The following KCNAB3 variants were observed in gnomAD, a reference collection of about 807,000 sequenced individuals.
KCNAB3 encodes potassium voltage-gated channel subfamily A regulatory beta subunit 3.
A neutral mutation model predicts 67.7 loss-of-function variants in KCNAB3; 62 were observed. The ratio of observed to expected loss-of-function variants is 0.92; its 90% CI spans 0.75 to 1.13. The LOEUF is 1.13. Ranked by LOEUF, KCNAB3 falls within the 50% of genes most tolerant of loss-of-function variation. KCNAB3 has a pLI of 0.00. For synonymous variants in KCNAB3, 212 were observed against 205.4 expected (o/e 1.03, Z -0.27); for missense variants, 514 against 522.9 (o/e 0.98, Z 0.17).
At position 7,924,810 on chromosome 17, in the gene KCNAB3, A is replaced by G. The variant is rs1031866364; in HGVS notation, c.625+287T>C. ...CAGGATGTAGTTCAGTGGTGCAATC[A>G]TAGCTCACTGTGGCCTCAAACTCCT... On this transcript the variant is annotated intron_variant, in intron 8 of 13. Coordinates refer to ENST00000303790, the MANE Select transcript of KCNAB3 (RefSeq NM_004732.4). 5 of 752,636 alleles carry G rather than the reference A, an allele frequency of 6.6e-6. 1 individual carries two copies. The Admixed American group carries it at 1.0e-4, about 16-fold the overall frequency. 46.6% of individuals were successfully genotyped at this position (752,636 alleles called of 1,614,324 possible). A position where few individuals can be genotyped will look rare whatever the true frequency, so the allele number is the denominator to read the frequency against.
rs1004341251 is a variant in KCNAB3, at chr17:7,925,778, G to A, written c.495-52C>T. The A allele has an allele frequency of 1.9e-6, 3 of 1,610,834 alleles. No individual in the cohort carries two copies. In the Admixed American group the frequency reaches 5.0e-5, roughly 27 times the overall value. ...AGATGTGACAAAGATAGGGGACCGG[G>A]GCTGGCTTGGAGCCATAAGGAAATG... On this transcript the variant is annotated intron_variant, in intron 6 of 13. Transcript: ENST00000303790.
At chr17:7,926,953 C>T (rs986975533) in intron 4 of KCNAB3, among the ~76,000 whole-genome samples, 10 of 152,060 alleles carry the variant, frequency 6.6e-5, no homozygotes, top group East Asian at 3.9e-4. Flanking sequence ...CTTGAAGGAG[C>T]GGACACTCGG....
intron 4 of KCNAB3, among the ~76,000 whole-genome samples, chr17:7,926,885 G>C (rs1346712818): frequency 1.3e-5 from 2 of 152,152 alleles, no homozygotes; most frequent in Non-Finnish European, 2.9e-5. Context: ...AGTCCACAGT[G>C]CTTTAGGAGC....
intron 8 of KCNAB3, chr17:7,924,775 C>T (rs1972169585): frequency 9.9e-7 from 1 of 1,013,234 alleles, no homozygotes; most frequent in Non-Finnish European, 1.3e-6. Flanking sequence ...CAGGGTCTCA[C>T]TCTGTCACTC....
In KCNAB3 at chr17:7,924,438, G is replaced by C; in HGVS notation, c.688C>G (p.Arg230Gly). 6.2e-7 allele frequency: 1 copy of C among 1,614,002 alleles called. No homozygotes were observed. Among genetic ancestry groups the C allele is most frequent in the Non-Finnish European group, 8.5e-7 (1 of 1,179,922 alleles). Reference protein sequence around the residue: ...QGLALYWGTSRWGAAEIMEAY... With the variant: ...QGLALYWGTSGWGAAEIMEAY... ...ACCATGATTTCTGCAGCCCCCCATC[G>C]GGATGTCCCCCAGTATAGGGCCAGG... The change falls in exon 9 of 14, where the codon CGA becomes GGA. Residue 230 changes from arginine (R) to glycine (G), a missense_variant. Arg to Gly is a moderately radical substitution (Grantham distance 125, BLOSUM62 -2). Coordinates refer to ENST00000303790, the MANE Select transcript of KCNAB3 (RefSeq NM_004732.4).
intron 4 of KCNAB3, 108 bp downstream of exon 4, chr17:7,927,236 T>G: frequency 9.4e-7 from 1 of 1,067,276 alleles, no homozygotes; most frequent in Non-Finnish European, 1.4e-6. Context: ...GGTTGGAACT[T>G]CACGTTCTCA....
Position 7,925,142 on chromosome 17 carries a change from C to T in KCNAB3, c.580G>A (p.Asp194Asn), listed in dbSNP as rs753023079. The change falls in exon 8 of 14, where the codon GAC becomes AAC. Residue 194 changes from aspartate to asparagine, a missense_variant. Transcript: ENST00000303790. ...TCTGAGCGATTGGCAAAGACAATGT[C>T]CACGTATCCCAGCTGGAGGCGTTCC... is the stretch of plus-strand genomic sequence containing the variant. ...SLERLQLGYV[D>N]IVFANRSDPN... The T allele has an allele frequency of 1.9e-6, 3 of 1,613,756 alleles. No homozygotes were observed. In the Admixed American group the frequency reaches 5.0e-5, roughly 27 times the overall value.
Position 7,923,130 on chromosome 17 carries a change from A to T in KCNAB3, c.1187T>A (p.Leu396Gln). The T allele has an allele frequency of 1.9e-6, 3 of 1,614,126 alleles. No individual in the cohort carries two copies. The highest frequency in any genetic ancestry group is 2.5e-6 in the Non-Finnish European group (3 of 1,180,018). ...CTTCTTGGAATGCGGCTTGTTTCCC[A>T]GGAGCCCGTCTATTTCCATCACTGT... ...PQTVMEIDGLLGNKPHSKK is the reference protein window; with the variant it reads ...PQTVMEIDGLQGNKPHSKK The change falls in exon 14 of 14, where the codon CTG becomes CAG. Residue 396 changes from leucine (L) to glutamine (Q), a missense_variant. Leu to Gln is a moderately radical substitution (Grantham distance 113). Transcript: ENST00000303790.
At chr17:7,928,577 AG>A (rs1165988395) in intron 1 of KCNAB3, among the ~76,000 whole-genome samples, 1 of 152,136 alleles carries the variant, frequency 6.6e-6, no homozygotes, top group Admixed American at 6.5e-5. Context: ...ACTCCCAAGC[AG>A]GAGCCCCTCC....
Position 7,929,705 on chromosome 17 carries a change from G to T in KCNAB3, c.-270C>A. 1 of 1,352,902 alleles carries T rather than the reference G, an allele frequency of 7.4e-7. No homozygotes were observed. The highest frequency in any genetic ancestry group is 9.5e-7 in the Non-Finnish European group (1 of 1,051,906). The allele number at this position is 1,352,902 out of a possible 1,614,324, so 83.8% of individuals were successfully genotyped here. On this transcript the variant is annotated 5_prime_UTR_variant, in exon 1 of 14. Coordinates refer to ENST00000303790, the MANE Select transcript of KCNAB3 (RefSeq NM_004732.4). The surrounding 1 kb of genome is among the most constrained non-coding windows in gnomAD (Gnocchi z 5.7). ...GGACACAGGAGCAAGGATTAGGAGG[G>T]GGAAATGGATGAGGGTAAAGGTCGA...
Position 7,924,272 on chromosome 17 carries a change from T to TG in KCNAB3, c.712-8dup. On this transcript the variant is annotated splice_region_variant and splice_polypyrimidine_tract_variant and intron_variant, in intron 9 of 13. Transcript: ENST00000303790. Reference sequence around the variant, plus strand: ...TGGCCATGGAGTAGGCCTCCTGGGTTGGGGTTGGGGAAAAGAAAGTGGTCA... The same window carrying TG: ...TGGCCATGGAGTAGGCCTCCTGGGTTGGGGGTTGGGGAAAAGAAAGTGGTCA... The TG allele has an allele frequency of 6.2e-7, 1 of 1,614,040 alleles. No individual in the cohort carries two copies.
intron 1 of KCNAB3, among the ~76,000 whole-genome samples, chr17:7,928,869 A>T (rs994361720): frequency 6.6e-6 from 1 of 152,078 alleles, no homozygotes; most frequent in Non-Finnish European, 1.5e-5. Context: ...AGGACACTCC[A>T]CTGGAGGAGG....
Position 7,927,556 on chromosome 17 carries a change from C to T in KCNAB3, c.324+101G>A, listed in dbSNP as rs1037018416. 11 of 1,539,006 alleles carry T rather than the reference C, an allele frequency of 7.1e-6. No homozygotes were observed. The South Asian group carries it at 1.1e-4, about 16-fold the overall frequency. On this transcript the variant is annotated intron_variant, in intron 3 of 13. Coordinates refer to ENST00000303790, the MANE Select transcript of KCNAB3 (RefSeq NM_004732.4). ...CCCCATCCTCCAGCCTCAGATCCCT[C>T]ATTCCCTGTGCTTGTTGTCCAAACC...
At chr17:7,925,048 G>A in intron 8 of KCNAB3, 49 bp downstream of exon 8, 1 of 1,545,938 alleles carries the variant, frequency 6.5e-7, no homozygotes, top group Non-Finnish European at 8.9e-7. Context: ...ACCCAGCAAG[G>A]AAGTGCTCAG....
At chr17:7,927,877 A>C in intron 1 of KCNAB3, 51 bp from the exon 2 acceptor site, 1 of 1,606,828 alleles carries the variant, frequency 6.2e-7, no homozygotes, top group East Asian at 2.2e-5. Flanking sequence ...TTATGGACTT[A>C]GATTATCAGC....
Position 7,922,978 on chromosome 17 carries a change from G to C in KCNAB3, c.*124C>G. 1.2e-6 allele frequency: 1 copy of C among 854,912 alleles called. No homozygotes were observed. Among genetic ancestry groups the C allele is most frequent in the Non-Finnish European group, 2.0e-6 (1 of 508,264 alleles). 53.0% of individuals were successfully genotyped at this position (854,912 alleles called of 1,614,324 possible). The stretch of plus-strand genomic sequence containing the variant: ...CACTACTCGAAGCCGGGACTCGTTG[G>C]TGGGCGGGGCTAGTCTGGCTCCGGC... On this transcript the variant is annotated 3_prime_UTR_variant, in exon 14 of 14. Coordinates refer to ENST00000303790, the MANE Select transcript of KCNAB3 (RefSeq NM_004732.4).
chr17:7,924,149 C>T lies in KCNAB3; in HGVS notation c.828G>A (p.Lys276=), dbSNP rs763662504. The stretch of plus-strand genomic sequence containing the variant: ...GCAGGGATGAGGGCTGCAAACCAAT[C>T]TTGTGGTAGAGCTCTGGCAGCTGCA... ...VEMQLPELYH[K]IGVGSVTWYP... is the part of the protein sequence containing the mutation. The change falls in exon 10 of 14, where the codon AAG becomes AAA. Residue 276 remains lysine (K), a synonymous_variant. Coordinates refer to ENST00000303790, the MANE Select transcript of KCNAB3 (RefSeq NM_004732.4). 1 of 1,614,220 alleles carries T rather than the reference C, an allele frequency of 6.2e-7. No individual in the cohort carries two copies. The highest frequency in any genetic ancestry group is 1.1e-5 in the South Asian group (1 of 91,086).
At position 7,929,800 on chromosome 17, in the gene KCNAB3, C is replaced by CG; in HGVS notation, c.-366dup. ...GGGCGGGAGAGAGATGCCACTTCAG[C>CG]GCGAACCGCTGCGGGACCCGCTGGG... On this transcript the variant is annotated 5_prime_UTR_variant, in exon 1 of 14. Transcript: ENST00000303790. This position sits in a 1 kb window ranked among gnomAD's most constrained non-coding sequence, Gnocchi z 5.7. 9 of 1,059,758 alleles carry CG rather than the reference C, an allele frequency of 8.5e-6. No individual in the cohort carries two copies. Among genetic ancestry groups the CG allele is most frequent in the South Asian group, 3.0e-5 (1 of 33,214 alleles). 65.6% of individuals were successfully genotyped at this position (1,059,758 alleles called of 1,614,324 possible).
chr17:7,925,280 C>T (rs982437858), intron 7 of KCNAB3, 97 bp from the exon 8 acceptor site: 118 of 962,654 alleles, frequency 1.2e-4, no homozygotes, highest in South Asian at 5.3e-4. Context: ...GTAATCCCAG[C>T]ACTTTGGGAG....
Sources: allele counts gnomAD v4.1 joint callset (sites outside exome capture counted in the v4.1 genomes callset), GRCh38; gene constraint gnomAD v4.1.1; non-coding constraint Gnocchi (gnomAD v3.1); transcripts MANE v1.5; gene names NCBI Gene and HGNC (gene_info 2026-07-23, HGNC 2026-07-21).